FAM227B: variants seen among roughly 807,000 people sequenced by gnomAD.
FAM227B encodes protein FAM227B.
FAM227B carries 88 observed loss-of-function variants against 73.8 expected under a neutral mutation model. That is an observed-to-expected ratio of 1.19 (90% CI 1.00 to 1.42). The LOEUF (loss-of-function observed/expected upper bound fraction) is 1.42. FAM227B is among the 40% of genes most tolerant of loss of function. The probability of loss-of-function intolerance (pLI) is 0.00; values close to 1 mark genes in which losing one functional copy is unlikely to be tolerated. For synonymous variants in FAM227B, 210 were observed against 190.5 expected, an observed-to-expected ratio of 1.10 and a Z score of -0.84; for missense variants, 632 against 590.9, an observed-to-expected ratio of 1.07 and a Z score of -0.72.
At chr15:49,483,178 T>G (rs1422768958) in intron 11 of FAM227B, 1 of 1,587,782 alleles carries the variant, frequency 6.3e-7, no homozygotes, top group Non-Finnish European at 8.5e-7. Context: ...ACAGTGGCAG[T>G]TGGAATTGTG....
intron 11 of FAM227B, among the ~76,000 whole-genome samples, chr15:49,380,635 T>C (rs553598488): frequency 6.6e-6 from 1 of 152,322 alleles, no homozygotes; most frequent in African/African-American, 2.4e-5. Context: ...GGGACAAAGT[T>C]TGGATTCTTT....
chr15:49,348,003 G>A (rs1178231671), intron 13 of FAM227B, among the ~76,000 whole-genome samples: 4 of 95,758 alleles, frequency 4.2e-5, no homozygotes, highest in Admixed American at 1.5e-4. Flanking sequence ...TGGGTGACAA[G>A]AGCAAAACTC....
rs376153029 is a variant in FAM227B, at chr15:49,440,842, C to G, written c.1012+67369G>C. Among the ~76,000 whole-genome samples, 23 of 151,778 alleles carry G rather than the reference C, an allele frequency of 1.5e-4. No homozygotes were observed. In the South Asian group the frequency reaches 4.6e-3, roughly 30 times the overall value. On this transcript the variant is annotated intron_variant, in intron 11 of 15. Transcript: ENST00000299338. ...TTGAGTTGTTTTGTTATATAACATT[C>G]TGAAGTTGATTACTGAGGTATTATT...
chr15:49,478,803 A>T (rs2055610584), intron 11 of FAM227B, among the ~76,000 whole-genome samples: 1 of 152,184 alleles, frequency 6.6e-6, no homozygotes, highest in South Asian at 2.1e-4. Flanking sequence ...GTGGGCATGG[A>T]TTCTGTGTAG....
At chr15:49,352,429 T>G (rs1031506925) in intron 13 of FAM227B, among the ~76,000 whole-genome samples, 1 of 152,172 alleles carries the variant, frequency 6.6e-6, no homozygotes, top group African/African-American at 2.4e-5. Context: ...ATAGGACTTA[T>G]GTTAAGTAAG....
At chr15:49,334,672 C>T (rs1411563305) in intron 14 of FAM227B, among the ~76,000 whole-genome samples, 6 of 152,072 alleles carry the variant, frequency 3.9e-5, no homozygotes, top group South Asian at 2.1e-4. Context: ...AAAGCAGGGG[C>T]GCAGGCTTTT....
At chr15:49,550,357 G>A (rs1321390079) in intron 9 of FAM227B, among the ~76,000 whole-genome samples, 13 of 148,216 alleles carry the variant, frequency 8.8e-5, no homozygotes, top group South Asian at 2.2e-4. Context: ...CCTCCCTCCC[G>A]GACGGGGCGG....
chr15:49,353,438 T>C (rs1318980875), intron 13 of FAM227B: 1 of 152,206 alleles, frequency 6.6e-6, no homozygotes. Context: ...AGAGGAAGTC[T>C]TTTATCTCTA....
intron 10 of FAM227B, among the ~76,000 whole-genome samples, chr15:49,516,908 T>C (rs1029803626): frequency 1.3e-5 from 2 of 152,248 alleles, no homozygotes; most frequent in Non-Finnish European, 1.5e-5. Context: ...AAGCAGTCAG[T>C]GTCAAAGTGA....
intron 11 of FAM227B, among the ~76,000 whole-genome samples, chr15:49,415,465 A>C (rs910109515): frequency 6.6e-6 from 1 of 152,160 alleles, no homozygotes; most frequent in African/African-American, 2.4e-5. Context: ...AGGGGAATCA[A>C]GACAATCTAG....
chr15:49,519,593 T>C (rs920422585), intron 10 of FAM227B, among the ~76,000 whole-genome samples: 1 of 150,974 alleles, frequency 6.6e-6, no homozygotes, highest in African/African-American at 2.4e-5. Flanking sequence ...TCTGAAGCAA[T>C]GTCCTGATCT....
chr15:49,590,531 T>C (rs1053747721), intron 3 of FAM227B, among the ~76,000 whole-genome samples: 1 of 152,192 alleles, frequency 6.6e-6, no homozygotes, highest in African/African-American at 2.4e-5. Flanking sequence ...CTTATTTTCA[T>C]TTTTTTCTAG....
chr15:49,501,470 T>C (rs927643304), intron 11 of FAM227B, among the ~76,000 whole-genome samples: 1 of 152,188 alleles, frequency 6.6e-6, no homozygotes, highest in African/African-American at 2.4e-5. Context: ...AGTGATAATT[T>C]AGGGTATCTG....
intron 13 of FAM227B, among the ~76,000 whole-genome samples, chr15:49,354,942 G>A (rs1306163184): frequency 6.6e-5 from 10 of 151,922 alleles, no homozygotes; most frequent in African/African-American, 1.2e-4. Context: ...CCTGACCCTC[G>A]AGCAGCCTAA....
In FAM227B at chr15:49,515,479, G is replaced by A. The variant is rs373025343; in HGVS notation, c.875-7131C>T. ...AACTGATTCTGTTGATTGCTTTTTC[G>A]CTTGACAGTGTTTTCTTTTTCTATG... On this transcript the variant is annotated intron_variant, in intron 10 of 15. Transcript: ENST00000299338. 1.7e-4 allele frequency among the ~76,000 whole-genome samples: 26 copies of A among 152,088 alleles called. No homozygotes were observed. The East Asian group carries it at 3.9e-3, about 23-fold the overall frequency.
intron 10 of FAM227B, among the ~76,000 whole-genome samples, chr15:49,510,722 G>A (rs967095907): frequency 4.6e-5 from 7 of 151,856 alleles, no homozygotes; most frequent in Non-Finnish European, 8.8e-5. Context: ...ATTAATTTAC[G>A]CCTTATTTTG....
chr15:49,371,678 A>C (rs1429710067), intron 11 of FAM227B, among the ~76,000 whole-genome samples: 2 of 151,110 alleles, frequency 1.3e-5, no homozygotes, highest in Non-Finnish European at 1.5e-5. Context: ...ACTAATAAAT[A>C]AATGAAATAA....
chr15:49,619,670 C>A (rs980068468), intron 1 of FAM227B, among the ~76,000 whole-genome samples: 3 of 152,200 alleles, frequency 2.0e-5, no homozygotes, highest in Non-Finnish European at 4.4e-5. Flanking sequence ...ACCCAATGCT[C>A]AATCTAACAA....
intron 11 of FAM227B, among the ~76,000 whole-genome samples, chr15:49,468,249 T>C: frequency 6.6e-6 from 1 of 152,152 alleles, no homozygotes; most frequent in Non-Finnish European, 1.5e-5. Context: ...TCCCTAATAA[T>C]GAGGATGATG....
Sources: allele counts gnomAD v4.1 joint callset (sites outside exome capture counted in the v4.1 genomes callset), GRCh38; gene constraint gnomAD v4.1.1; transcripts MANE v1.5; gene names NCBI Gene and HGNC (gene_info 2026-07-23, HGNC 2026-07-21).